Variants in STK38 observed in about 807,000 individuals in gnomAD.
The protein encoded by STK38 is serine/threonine-protein kinase 38.
A neutral mutation model predicts 59.0 loss-of-function variants in STK38; 26 were observed. The observed-to-expected ratio is 0.44, with a 90% CI of 0.32 to 0.61. STK38 has a LOEUF of 0.61. STK38 is among the 20% of genes least tolerant of loss of function. STK38 has a pLI of 0.04. For synonymous variants in STK38, 175 were observed against 176.6 expected (o/e 0.99, Z 0.07); for missense variants, 433 against 566.0 (o/e 0.76, Z 2.38).
intron 5 of STK38, 130 bp from the exon 6 acceptor site, chr6:36,517,970 C>T: frequency 1.6e-6 from 2 of 1,249,528 alleles, no homozygotes; most frequent in Non-Finnish European, 2.1e-6. Flanking sequence ...ATAAAAGATC[C>T]AATTTCTGCT....
rs764995275 is a variant in STK38, at chr6:36,498,319, T to C, written c.1076+44A>G. 21 of 1,578,170 alleles carry C rather than the reference T, an allele frequency of 1.3e-5. 1 individual carries two copies. Among genetic ancestry groups the C allele is most frequent in the African/African-American group, 1.2e-4 (9 of 72,460 alleles). ...GTTTTTAAAAAAATGGAATCATTCATATTAAAAAGCTGAGAAAGAAGGTGG... is the reference window on the plus strand; with the variant it reads ...GTTTTTAAAAAAATGGAATCATTCACATTAAAAAGCTGAGAAAGAAGGTGG... On this transcript the variant is annotated intron_variant, in intron 11 of 13. Transcript: ENST00000229812.
At chr6:36,511,992 GA>G (rs1777121943) in intron 7 of STK38, among the ~76,000 whole-genome samples, 1 of 152,148 alleles carries the variant, frequency 6.6e-6, no homozygotes, top group Non-Finnish European at 1.5e-5. Context: ...CTGGGAGGCA[GA>G]AGTCACAGTG....
rs1481920977 is a variant in STK38, at chr6:36,543,554, A to C, written c.-5-3347T>G. ...GAGCCCAGGAGTTCATGAGTCCAGG[A>C]ATTCAAGACCAGCCTGGGTAACATA... is the stretch of plus-strand genomic sequence containing the variant. On this transcript the variant is annotated intron_variant, in intron 1 of 13. Coordinates refer to ENST00000229812, the MANE Select transcript of STK38 (RefSeq NM_007271.4). 2.6e-5 allele frequency among the ~76,000 whole-genome samples: 4 copies of C among 152,248 alleles called. No individual in the cohort carries two copies. In the East Asian group the frequency reaches 5.8e-4, roughly 22 times the overall value.
At chr6:36,522,693 T>TA (rs1404540925) in intron 4 of STK38, among the ~76,000 whole-genome samples, 2 of 151,472 alleles carry the variant, frequency 1.3e-5, no homozygotes, top group African/African-American at 4.9e-5. Flanking sequence ...CCCCGTCTAC[T>TA]AAAAATACGA....
Position 36,498,416 on chromosome 6 carries a change from C to G in STK38, c.1023G>C (p.Leu341Phe), listed in dbSNP as rs1035258410. 1.2e-6 allele frequency: 2 copies of G among 1,613,874 alleles called. No individual in the cohort carries two copies. The highest frequency in any genetic ancestry group is 8.5e-7 in the Non-Finnish European group (1 of 1,179,974). The change falls in exon 11 of 14, where the codon TTG becomes TTC. Residue 341 changes from leucine (L) to phenylalanine (F), a missense_variant. By Grantham distance (22) the Leu-to-Phe change is conservative. Coordinates refer to ENST00000229812, the MANE Select transcript of STK38 (RefSeq NM_007271.4). ...YKKVMNWKET[L>F]TFPPEVPISE... ...AGATGGGAACTTCTGGAGGAAAAGT[C>G]AAAGTTTCTTTCCAGTTCATCACCT... is the stretch of plus-strand genomic sequence containing the variant.
intron 7 of STK38, among the ~76,000 whole-genome samples, chr6:36,513,435 C>G (rs950135999): frequency 7.2e-5 from 11 of 151,800 alleles, no homozygotes; most frequent in Non-Finnish European, 1.6e-4. Flanking sequence ...CTGCCTCAGC[C>G]TCTCAAGTAG....
At chr6:36,525,709 C>G (rs972750809) in intron 2 of STK38, 67 bp from the exon 3 acceptor site, 3 of 1,312,356 alleles carry the variant, frequency 2.3e-6, no homozygotes, top group Non-Finnish European at 3.3e-6. Flanking sequence ...AATTCTGTAA[C>G]TTAATACTGT....
intron 7 of STK38, among the ~76,000 whole-genome samples, chr6:36,513,896 C>T (rs1355788238): frequency 6.8e-6 from 1 of 147,996 alleles, no homozygotes; most frequent in Non-Finnish European, 1.5e-5. Flanking sequence ...TGGCTCACGC[C>T]TGTAATCCCA....
At chr6:36,502,116 C>A (rs1053296918) in intron 9 of STK38, among the ~76,000 whole-genome samples, 3 of 151,928 alleles carry the variant, frequency 2.0e-5, no homozygotes, top group African/African-American at 7.3e-5. Flanking sequence ...TTATTTTTAC[C>A]AATCTGATGA....
At position 36,525,607 on chromosome 6, in the gene STK38, C is replaced by A. The variant is rs893708880; in HGVS notation, c.167G>T (p.Gly56Val). The A allele has an allele frequency of 5.0e-6, 8 of 1,613,574 alleles. No homozygotes were observed. Among genetic ancestry groups the A allele is most frequent in the Non-Finnish European group, 6.8e-6 (8 of 1,179,740 alleles). The change falls in exon 3 of 14, where the codon GGC becomes GTC. Residue 56 changes from glycine (G) to valine (V), a missense_variant. Physicochemically the swap from Gly to Val is moderately radical, Grantham distance 109 (BLOSUM62 -3). This residue lies in a region of STK38 where 293 missense variants were observed against 388.2 expected (regional missense o/e 0.75). Transcript: ENST00000229812. Reference protein sequence around the residue: ...KKLEKVMEEEGLKDEEKRLRR... With the variant: ...KKLEKVMEEEVLKDEEKRLRR... Reference sequence around the variant, plus strand: ...ATTAATTACCTCCTCATCTTTTAGGCCTTCTTCTTCCATCACCTTTTCTAA... The same window carrying A: ...ATTAATTACCTCCTCATCTTTTAGGACTTCTTCTTCCATCACCTTTTCTAA...
In STK38 at chr6:36,507,399, A is replaced by C. The variant is rs74929800; in HGVS notation, c.772+101T>G. ...AGGTATTTTTATTCTCTACATACTC[A>C]AAGTGTGAGAATCTCCTATCTGTTC... On this transcript the variant is annotated intron_variant, in intron 8 of 13. Transcript: ENST00000229812. The C allele has an allele frequency of 8.6e-3, 8,373 of 975,704 alleles. 451 individuals are homozygous for C. The African/African-American group carries it at 0.11, about 13-fold the overall frequency. 60.4% of individuals were successfully genotyped at this position (975,704 alleles called of 1,614,324 possible).
chr6:36,514,014 G>A (rs919419717), intron 7 of STK38, among the ~76,000 whole-genome samples: 1 of 151,826 alleles, frequency 6.6e-6, no homozygotes, highest in African/African-American at 2.4e-5. Context: ...AATTAGCTGG[G>A]TGTGGTGGCG....
At chr6:36,547,001 C>G (rs1267917909) in intron 1 of STK38, among the ~76,000 whole-genome samples, 189 bp downstream of exon 1, 1 of 151,516 alleles carries the variant, frequency 6.6e-6, no homozygotes, top group Non-Finnish European at 1.5e-5. Flanking sequence ...CAACAAGGGG[C>G]ATCTGGAGAC....
intron 13 of STK38, 102 bp from the exon 14 acceptor site, chr6:36,496,016 T>C (rs1460210480): frequency 6.0e-6 from 8 of 1,331,318 alleles, no homozygotes; most frequent in Non-Finnish European, 1.0e-6. Context: ...AGTTTCTATT[T>C]GGGAAAGCTT....
intron 1 of STK38, among the ~76,000 whole-genome samples, chr6:36,545,764 C>T (rs1384269618): frequency 6.6e-6 from 1 of 152,118 alleles, no homozygotes; most frequent in African/African-American, 2.4e-5. Flanking sequence ...TTGTTTCATT[C>T]TTCAACTCTG....
chr6:36,535,395 C>T (rs537768148), intron 2 of STK38, among the ~76,000 whole-genome samples: 1 of 147,444 alleles, frequency 6.8e-6, no homozygotes, highest in Admixed American at 6.8e-5. Flanking sequence ...GTTGTAGTGA[C>T]CTGAGATCAC....
chr6:36,515,280 A>G, intron 7 of STK38, 58 bp downstream of exon 7: 2 of 1,576,576 alleles, frequency 1.3e-6, no homozygotes, highest in South Asian at 2.3e-5. Context: ...CAGGTGTTAA[A>G]GCAGAGGCTG....
At chr6:36,496,578 A>G in intron 13 of STK38, 133 bp downstream of exon 13, 1 of 716,098 alleles carries the variant, frequency 1.4e-6, no homozygotes, top group Middle Eastern at 2.4e-4. Context: ...TAGAATTAGA[A>G]AAGTACTTAC....
chr6:36,504,919 A>AAAAG (rs1430568857), intron 9 of STK38, among the ~76,000 whole-genome samples: 1 of 149,656 alleles, frequency 6.7e-6, no homozygotes, highest in South Asian at 2.1e-4. Flanking sequence ...AAAAAAAAAA[A>AAAAG]AAAGAAAGAA....
Sources: gnomAD v4.1 joint callset for allele counts (sites outside exome capture counted in the v4.1 genomes callset) on GRCh38, gnomAD v4.1.1 for gene constraint, gnomAD v4.1.1 regional missense constraint, MANE v1.5 for transcripts, NCBI Gene and HGNC (gene_info 2026-07-23, HGNC 2026-07-21) for gene names.